Variants in CTNNA2 observed in about 807,000 individuals in gnomAD.
CTNNA2 encodes the protein catenin alpha 2, also known as catenin alpha-2.
CTNNA2 carries 42 observed loss-of-function variants against 101.0 expected under a neutral mutation model. The observed-to-expected ratio is 0.42, with a 90% CI of 0.32 to 0.54. The LOEUF is 0.54. CTNNA2 is among the 20% of genes least tolerant of loss of function. The pLI is 0.14. For synonymous variants in CTNNA2, 450 were observed against 456.4 expected (o/e 0.99, Z 0.18); for missense variants, 871 against 1,223.1 (o/e 0.71, Z 4.29).
intron 7 of CTNNA2, among the ~76,000 whole-genome samples, chr2:80,110,773 G>A (rs1000420534): frequency 4.6e-5 from 7 of 152,178 alleles, no homozygotes; most frequent in Non-Finnish European, 8.8e-5. Context: ...AGGTTGATTG[G>A]AACTTGGTGG....
intron 4 of CTNNA2, among the ~76,000 whole-genome samples, chr2:79,457,243 T>C (rs1044807412): frequency 6.6e-6 from 1 of 151,550 alleles, no homozygotes; most frequent in African/African-American, 2.4e-5. Flanking sequence ...ATTCAGTGTG[T>C]TCAGGGAAAT....
chr2:80,059,076 G>A (rs1697408085), intron 7 of CTNNA2, among the ~76,000 whole-genome samples: 1 of 152,082 alleles, frequency 6.6e-6, no homozygotes, highest in East Asian at 1.9e-4. Flanking sequence ...AAAAATATCT[G>A]CTGAGAATCA....
intron 1 of CTNNA2, among the ~76,000 whole-genome samples, chr2:79,565,266 A>G (rs1417251572): frequency 6.6e-6 from 1 of 151,422 alleles, no homozygotes; most frequent in Non-Finnish European, 1.5e-5. Context: ...AAAAAAGGAA[A>G]CAGGGACTCT....
At chr2:79,522,793 G>T (rs1573236603) in intron 1 of CTNNA2, among the ~76,000 whole-genome samples, 1 of 152,298 alleles carries the variant, frequency 6.6e-6, no homozygotes, top group East Asian at 1.9e-4. Flanking sequence ...GAGGCTGGGA[G>T]TAGAGAAATA....
At chr2:80,060,487 C>G (rs1473445128) in intron 7 of CTNNA2, among the ~76,000 whole-genome samples, 1 of 152,148 alleles carries the variant, frequency 6.6e-6, no homozygotes, top group Non-Finnish European at 1.5e-5. Context: ...TTCAATATCT[C>G]CTATTTCTTA....
intron 4 of CTNNA2, among the ~76,000 whole-genome samples, chr2:79,864,482 G>T (rs558352700): frequency 5.3e-5 from 8 of 149,984 alleles, no homozygotes; most frequent in Non-Finnish European, 1.0e-4. Context: ...CCACTGAGTA[G>T]TACTAATAAT....
At chr2:79,962,346 G>A (rs1574417894) in intron 7 of CTNNA2, among the ~76,000 whole-genome samples, 1 of 152,194 alleles carries the variant, frequency 6.6e-6, no homozygotes, top group Non-Finnish European at 1.5e-5. Context: ...TTTTAGGAGG[G>A]CATCTAATCG....
chr2:80,114,807 G>A (rs766801404), intron 7 of CTNNA2, among the ~76,000 whole-genome samples: 10 of 152,156 alleles, frequency 6.6e-5, no homozygotes, highest in Non-Finnish European at 1.3e-4. Context: ...CAAGGTGTCT[G>A]AAGATATCCT....
intron 7 of CTNNA2, among the ~76,000 whole-genome samples, chr2:80,389,628 C>T (rs981736503): frequency 1.3e-5 from 2 of 152,160 alleles, no homozygotes; most frequent in Admixed American, 1.3e-4. Context: ...ATAATGGCTT[C>T]CAAGTTCCCA....
chr2:80,402,001 T>G (rs2149380715), intron 8 of CTNNA2, among the ~76,000 whole-genome samples: 1 of 152,310 alleles, frequency 6.6e-6, no homozygotes, highest in South Asian at 2.1e-4. Flanking sequence ...CTGCTTCTAC[T>G]TCAGATGCCA....
At position 80,469,727 on chromosome 2, in the gene CTNNA2, G is replaced by C. The variant is rs141784853; in HGVS notation, c.1290+50126G>C. Among the ~76,000 whole-genome samples the C allele has an allele frequency of 7.3e-3, 1,105 of 152,186 alleles. 12 individuals carry two copies. The highest frequency in any genetic ancestry group is 8.4e-3 in the Non-Finnish European group (572 of 68,016). On this transcript the variant is annotated intron_variant, in intron 9 of 18. Coordinates refer to ENST00000402739, the MANE Select transcript of CTNNA2 (RefSeq NM_001282597.3). ...CATAGACATGTTGGTACCTTATGGG[G>C]GGTATAGTCTAGGCTAGGGGCTGGT...
intron 7 of CTNNA2, among the ~76,000 whole-genome samples, chr2:80,376,321 C>T (rs1675947127): frequency 6.6e-6 from 1 of 152,102 alleles, no homozygotes; most frequent in Admixed American, 6.6e-5. Context: ...GTTTAGGGAA[C>T]AGCTGTCTAT....
chr2:79,971,475 A>G (rs1046031734), intron 7 of CTNNA2, among the ~76,000 whole-genome samples: 2 of 152,068 alleles, frequency 1.3e-5, no homozygotes, highest in African/African-American at 2.4e-5. Context: ...TGTGGTACCT[A>G]CTTATCCTAA....
chr2:79,931,955 A>G (rs1687476572), intron 7 of CTNNA2, among the ~76,000 whole-genome samples: 1 of 152,180 alleles, frequency 6.6e-6, no homozygotes, highest in Non-Finnish European at 1.5e-5. Context: ...TTTTTAGACA[A>G]AAACAGTTGC....
chr2:79,705,553 A>G (rs1315171485), intron 2 of CTNNA2, among the ~76,000 whole-genome samples: 4 of 152,110 alleles, frequency 2.6e-5, no homozygotes, highest in Admixed American at 2.0e-4. Flanking sequence ...TTTTTCCAAA[A>G]CGACTGTACT....
chr2:79,964,468 A>G (rs1689881664), intron 7 of CTNNA2, among the ~76,000 whole-genome samples: 1 of 152,058 alleles, frequency 6.6e-6, no homozygotes, highest in African/African-American at 2.4e-5. Context: ...CCTTTTAGCA[A>G]CTCATGAGAA....
chr2:79,826,499 C>G (rs1485904020), intron 3 of CTNNA2, among the ~76,000 whole-genome samples: 1 of 152,168 alleles, frequency 6.6e-6, no homozygotes, highest in Admixed American at 6.5e-5. Flanking sequence ...TTGGCCTCAA[C>G]CAAATTAACC....
At chr2:79,548,309 T>C (rs1558719784) in intron 1 of CTNNA2, among the ~76,000 whole-genome samples, 1 of 152,228 alleles carries the variant, frequency 6.6e-6, no homozygotes, top group African/African-American at 2.4e-5. Context: ...GCACTTTGTT[T>C]TGTGTGAATG....
At chr2:80,242,653 C>G (rs768497913) in intron 7 of CTNNA2, among the ~76,000 whole-genome samples, 18 of 152,172 alleles carry the variant, frequency 1.2e-4, no homozygotes, top group Non-Finnish European at 2.1e-4. Context: ...CTGTCCCAGC[C>G]CTCACTGTCT....
Sources: allele counts gnomAD v4.1 joint callset (sites outside exome capture counted in the v4.1 genomes callset), GRCh38; gene constraint gnomAD v4.1.1; transcripts MANE v1.5; gene names NCBI Gene and HGNC (gene_info 2026-07-23, HGNC 2026-07-21).